LIPG: variants seen among roughly 807,000 people sequenced by gnomAD.
LIPG encodes endothelial lipase.
Under a neutral mutation model 51.8 loss-of-function variants are expected in LIPG, and 34 were observed. The observed-to-expected ratio is 0.66, with a 90% CI of 0.50 to 0.87. The LOEUF (loss-of-function observed/expected upper bound fraction) is 0.87. Ranked by LOEUF, LIPG falls within the 40% of genes least tolerant of loss-of-function variation. The probability of loss-of-function intolerance (pLI) is 0.00; values close to 1 mark genes in which losing one functional copy is unlikely to be tolerated. For missense variants in LIPG, 580 were observed against 652.7 expected (o/e 0.89, Z 1.21); for synonymous variants, 246 against 246.1 (o/e 1.00, Z 0.00).
In LIPG at chr18:49,590,846, G is replaced by A; in HGVS notation, c.*324G>A. On this transcript the variant is annotated 3_prime_UTR_variant, in exon 10 of 10. Transcript: ENST00000261292. ...ACTGGATTGGTTTCTCAGTTGCTGG[G>A]CGAGCCTGTACTCTGCCTGACGAGG... 2.2e-6 allele frequency: 1 copy of A among 460,720 alleles called. No homozygotes were observed. Among genetic ancestry groups the A allele is most frequent in the East Asian group, 4.3e-5 (1 of 23,152 alleles). 28.5% of individuals were successfully genotyped at this position (460,720 alleles called of 1,614,324 possible).
rs552750566 is a variant in LIPG, at chr18:49,591,945, A to G, written c.*1423A>G. On this transcript the variant is annotated 3_prime_UTR_variant, in exon 10 of 10. Coordinates refer to ENST00000261292, the MANE Select transcript of LIPG (RefSeq NM_006033.4). ...ATGAAGACTTTTGCAGCCAGTTCCC[A>G]CCAATATGCCCCAGACGTGAGACAA... 6.6e-6 allele frequency: 1 copy of G among 151,874 alleles called. No homozygotes were observed. Among genetic ancestry groups the G allele is most frequent in the South Asian group, 2.1e-4 (1 of 4,806 alleles). 9.4% of individuals were successfully genotyped at this position (151,874 alleles called of 1,614,324 possible).
rs748635663 is a variant in LIPG, at chr18:49,565,389, A to G, written c.170A>G (p.Lys57Arg). The G allele has an allele frequency of 6.2e-7, 1 of 1,614,226 alleles. No homozygotes were observed. Among genetic ancestry groups the G allele is most frequent in the South Asian group, 1.1e-5 (1 of 91,090 alleles). Reference protein sequence around the residue: ...PSVRFNLRTSKDPEHEGCYLS... With the variant: ...PSVRFNLRTSRDPEHEGCYLS... Reference sequence around the variant, plus strand: ...GTGAGGTTTAACCTCCGCACCTCCAAGGACCCAGAGCATGAAGGATGCTAC... The same window carrying G: ...GTGAGGTTTAACCTCCGCACCTCCAGGGACCCAGAGCATGAAGGATGCTAC... Residue 57 changes from lysine (K) to arginine (R), a missense_variant, in exon 2 of 10, where the codon AAG (lysine) becomes AGG (arginine). Physicochemically the swap from Lys to Arg is conservative, Grantham distance 26. Coordinates refer to ENST00000261292, the MANE Select transcript of LIPG (RefSeq NM_006033.4).
chr18:49,585,698 G>A (rs1301673851), intron 8 of LIPG, among the ~76,000 whole-genome samples: 2 of 152,168 alleles, frequency 1.3e-5, no homozygotes, highest in African/African-American at 4.8e-5. Context: ...TGGAATTGCT[G>A]GGTTGTAGTA....
chr18:49,566,257 G>T (rs546173373), intron 2 of LIPG, among the ~76,000 whole-genome samples: 1 of 152,252 alleles, frequency 6.6e-6, no homozygotes, highest in East Asian at 1.9e-4. Context: ...GAGAGGGTAG[G>T]TGCCTGCCTA....
At chr18:49,576,109 A>G (rs1418574679) in intron 5 of LIPG, among the ~76,000 whole-genome samples, 4 of 151,976 alleles carry the variant, frequency 2.6e-5, no homozygotes, top group African/African-American at 9.7e-5. Context: ...AAGTGCTGAG[A>G]TTACAGGTGT....
chr18:49,572,136 A>G (rs2084670191), intron 4 of LIPG, among the ~76,000 whole-genome samples: 1 of 152,114 alleles, frequency 6.6e-6, no homozygotes, highest in Non-Finnish European at 1.5e-5. Flanking sequence ...CCTGGCCAAC[A>G]TGATGAAACC....
chr18:49,581,816 G>C, intron 6 of LIPG, 159 bp downstream of exon 6: 1 of 917,758 alleles, frequency 1.1e-6, no homozygotes, highest in African/African-American at 1.6e-5. Flanking sequence ...TCCTAGGAAA[G>C]GGAATCTTTA....
rs2084591819 is a variant in LIPG at position 49,565,343 on chromosome 18, C to T, written c.124C>T (p.Gln42Ter). ...TAAGCTCCACAAACCCAAAGCTACA[C>T]AGACTGAGGTCAAACCATCTGTGAG... ...EDKLHKPKAT[Q>*]TEVKPSVRFN... Residue 42 changes from glutamine to a stop codon, truncating the protein, a stop_gained, in exon 2 of 10, where the codon CAG becomes TAG. Coordinates refer to ENST00000261292, the MANE Select transcript of LIPG (RefSeq NM_006033.4). LOFTEE classifies it high-confidence loss of function. 24 of 1,614,202 alleles carry T rather than the reference C, an allele frequency of 1.5e-5. No homozygotes were observed. Among genetic ancestry groups the T allele is most frequent in the Non-Finnish European group, 2.0e-5 (24 of 1,180,036 alleles).
At chr18:49,578,184 G>C (rs2084750295) in intron 5 of LIPG, among the ~76,000 whole-genome samples, 1 of 148,990 alleles carries the variant, frequency 6.7e-6, no homozygotes, top group African/African-American at 2.5e-5. Flanking sequence ...TCACCTCCCA[G>C]ATGGGGTGGC....
At chr18:49,583,825 G>A in intron 8 of LIPG, 51 bp downstream of exon 8, 1 of 1,501,132 alleles carries the variant, frequency 6.7e-7, no homozygotes, top group Non-Finnish European at 9.1e-7. Context: ...GGAACAGAAG[G>A]CTGTGCCTGT....
At chr18:49,576,220 G>A (rs544977890) in intron 5 of LIPG, among the ~76,000 whole-genome samples, 1 of 151,994 alleles carries the variant, frequency 6.6e-6, no homozygotes, top group East Asian at 1.9e-4. Flanking sequence ...TAAAGCAAAA[G>A]TGCGCTCCCA....
At position 49,591,603 on chromosome 18, in the gene LIPG, A is replaced by T. The variant is rs548132483; in HGVS notation, c.*1081A>T. Reference sequence around the variant, plus strand: ...CAGAGCTGGTTCTAAGATTTAATACAGTGCTTTTTTTCCTCTTTGAAATAT... The same window carrying T: ...CAGAGCTGGTTCTAAGATTTAATACTGTGCTTTTTTTCCTCTTTGAAATAT... On this transcript the variant is annotated 3_prime_UTR_variant, in exon 10 of 10. Transcript: ENST00000261292. The T allele has an allele frequency of 6.6e-6, 1 of 152,228 alleles. No homozygotes were observed. The highest frequency in any genetic ancestry group is 2.4e-5 in the African/African-American group (1 of 41,460). The allele number at this position is 152,228 out of a possible 1,614,324, so 9.4% of individuals were successfully genotyped here.
intron 8 of LIPG, among the ~76,000 whole-genome samples, chr18:49,586,072 C>T (rs2084876927): frequency 6.6e-6 from 1 of 152,202 alleles, no homozygotes; most frequent in Admixed American, 6.5e-5. Context: ...ATCACACGCC[C>T]CTGAGGCTGC....
In LIPG at chr18:49,593,395, A is replaced by T. The variant is rs902480313; in HGVS notation, c.*2873A>T. ...GAACAAGAACATCATTTCACTGAAG[A>T]CGAGAAGAAAAATTATTTCAATTGT... On this transcript the variant is annotated 3_prime_UTR_variant, in exon 10 of 10. Coordinates refer to ENST00000261292, the MANE Select transcript of LIPG (RefSeq NM_006033.4). 1 of 152,256 alleles carries T rather than the reference A, an allele frequency of 6.6e-6. No homozygotes were observed. Among genetic ancestry groups the T allele is most frequent in the African/African-American group, 2.4e-5 (1 of 41,464 alleles). The allele number at this position is 152,256 out of a possible 1,614,324, so 9.4% of individuals were successfully genotyped here.
rs183623336 is a variant in LIPG at position 49,583,276 on chromosome 18, C to G, written c.1158-280C>G. ...TTATTGTGTTCTTTCTTGGTTCTGT[C>G]TTTTCAGGAAGTAGCATAAGTGGGG... On this transcript the variant is annotated intron_variant, in intron 7 of 9. Coordinates refer to ENST00000261292, the MANE Select transcript of LIPG (RefSeq NM_006033.4). Among the ~76,000 whole-genome samples, 245 of 152,246 alleles carry G rather than the reference C, an allele frequency of 1.6e-3. 1 individual carries two copies. The highest frequency in any genetic ancestry group is 5.6e-3 in the African/African-American group (231 of 41,544).
At position 49,590,986 on chromosome 18, in the gene LIPG, G is replaced by A. The variant is rs893612168; in HGVS notation, c.*464G>A. ...GACTCATGTCAGGATGGCAGGCCTG[G>A]TATCTTGCTCGGGCCCTAGCTGTTG... is the stretch of plus-strand genomic sequence containing the variant. On this transcript the variant is annotated 3_prime_UTR_variant, in exon 10 of 10. Transcript: ENST00000261292. The A allele has an allele frequency of 3.8e-6, 1 of 262,486 alleles. No individual in the cohort carries two copies. Among genetic ancestry groups the A allele is most frequent in the Non-Finnish European group, 7.5e-6 (1 of 133,016 alleles). 16.3% of individuals were successfully genotyped at this position (262,486 alleles called of 1,614,324 possible).
intron 8 of LIPG, among the ~76,000 whole-genome samples, chr18:49,584,099 C>A (rs1265690361): frequency 6.6e-6 from 1 of 152,092 alleles, no homozygotes; most frequent in Non-Finnish European, 1.5e-5. Flanking sequence ...AGGAGTGCTG[C>A]CTTGTCGATG....
At position 49,596,799 on chromosome 18, in the gene LIPG, T is replaced by A; in HGVS notation, c.*6277T>A. On this transcript the variant is annotated 3_prime_UTR_variant, in exon 10 of 10. Transcript: ENST00000261292. ...CTTTCCTGGCCCCTGTGACATATTG[T>A]CATGTAGCTCCAAGTATTTCCCCCC... 1 of 153,066 alleles carries A rather than the reference T, an allele frequency of 6.5e-6. No individual in the cohort carries two copies. The highest frequency in any genetic ancestry group is 1.5e-5 in the Non-Finnish European group (1 of 68,580). 9.5% of individuals were successfully genotyped at this position (153,066 alleles called of 1,614,324 possible).
At chr18:49,569,002 G>A (rs1311943901) in intron 3 of LIPG, among the ~76,000 whole-genome samples, 1 of 152,176 alleles carries the variant, frequency 6.6e-6, no homozygotes, top group African/African-American at 2.4e-5. Context: ...GAGGTTGGCA[G>A]CTCCTGGGGC....
Sources: gnomAD v4.1 joint callset for allele counts (sites outside exome capture counted in the v4.1 genomes callset) on GRCh38, gnomAD v4.1.1 for gene constraint, MANE v1.5 for transcripts, NCBI Gene and HGNC (gene_info 2026-07-23, HGNC 2026-07-21) for gene names.